Variants in CD244 observed in about 807,000 individuals in gnomAD.
CD244 encodes natural killer cell receptor 2B4.
In CD244, 20 loss-of-function variants were observed where a neutral mutation model predicts 45.5. The ratio of observed to expected loss-of-function variants is 0.44; its 90% CI spans 0.31 to 0.64. CD244 has a LOEUF of 0.64. Ranked by LOEUF, CD244 falls within the 30% of genes least tolerant of loss-of-function variation. The pLI, the probability that CD244 is intolerant of heterozygous loss-of-function variation, is 0.08. For synonymous variants in CD244, 185 were observed against 160.5 expected, an observed-to-expected ratio of 1.15 and a Z score of -1.15; for missense variants, 407 against 426.9, an observed-to-expected ratio of 0.95 and a Z score of 0.41.
Position 160,841,180 on chromosome 1 carries a change from G to A in CD244, c.655+30C>T, listed in dbSNP as rs553785088. On this transcript the variant is annotated intron_variant, in intron 3 of 8. Coordinates refer to ENST00000368034, the MANE Select transcript of CD244 (RefSeq NM_016382.4). ...TGGTTGCGGGGTCCAAACCTTCAGCGCTTGTTATAGCCCAGTGTGTTCCAC... is the reference window on the plus strand; with the variant it reads ...TGGTTGCGGGGTCCAAACCTTCAGCACTTGTTATAGCCCAGTGTGTTCCAC... 477 of 1,609,742 alleles carry A rather than the reference G, an allele frequency of 3.0e-4. 5 individuals carry two copies. In the South Asian group the frequency reaches 3.9e-3, roughly 13 times the overall value.
At chr1:160,838,842 G>T in intron 4 of CD244, 97 bp downstream of exon 4, 1 of 788,512 alleles carries the variant, frequency 1.3e-6, no homozygotes, top group Non-Finnish European at 2.0e-6. Flanking sequence ...AGGAAAAGGA[G>T]ATGCTGTGCT....
chr1:160,831,158 T>G lies in CD244; in HGVS notation c.*189A>C, dbSNP rs922114043. 1.9e-6 allele frequency: 1 copy of G among 537,880 alleles called. No homozygotes were observed. The highest frequency in any genetic ancestry group is 3.3e-5 in the Admixed American group (1 of 30,382). 33.3% of individuals were successfully genotyped at this position (537,880 alleles called of 1,614,324 possible). A position where few individuals can be genotyped will look rare whatever the true frequency, so the allele number is the denominator to read the frequency against. ...TGTCTGATCTGTAAATTGGAAGATATTATTTAACAGCCTTGCTCTTATCAT... is the reference window on the plus strand; with the variant it reads ...TGTCTGATCTGTAAATTGGAAGATAGTATTTAACAGCCTTGCTCTTATCAT... On this transcript the variant is annotated 3_prime_UTR_variant, in exon 9 of 9. Coordinates refer to ENST00000368034, the MANE Select transcript of CD244 (RefSeq NM_016382.4).
intron 6 of CD244, among the ~76,000 whole-genome samples, 166 bp downstream of exon 6, chr1:160,836,029 A>C (rs544904781): frequency 2.0e-4 from 30 of 152,264 alleles, no homozygotes. Flanking sequence ...CTCTAGTATC[A>C]CACGGATCTT....
chr1:160,859,982 G>A (rs182265966), intron 1 of CD244, among the ~76,000 whole-genome samples: 38 of 152,042 alleles, frequency 2.5e-4, no homozygotes, highest in African/African-American at 8.7e-4. Context: ...GGAGGTGGGT[G>A]GATCACTTGA....
Position 160,839,003 on chromosome 1 carries a change from T to G in CD244, c.702A>C (p.Ala234=). 1.2e-6 allele frequency: 2 copies of G among 1,614,096 alleles called. No individual in the cohort carries two copies. Among genetic ancestry groups the G allele is most frequent in the Non-Finnish European group, 8.5e-7 (1 of 1,179,992 alleles). The part of the protein sequence containing the change: ...PFLVIIVILS[A]LFLGTLACFC... ...AGCAGGCAAGGGTGCCAAGGAACAG[T>G]GCGCTTAGAATCACGATGATCACCA... Residue 234 remains alanine (A), a synonymous_variant, in exon 4 of 9, where the codon GCA becomes GCC. Coordinates refer to ENST00000368034, the MANE Select transcript of CD244 (RefSeq NM_016382.4).
chr1:160,844,428 T>TGGGG (rs1318623560), intron 1 of CD244, among the ~76,000 whole-genome samples: 6 of 152,264 alleles, frequency 3.9e-5, no homozygotes, highest in African/African-American at 1.4e-4. Flanking sequence ...AATGTGACTT[T>TGGGG]ACAGCTCCTT....
chr1:160,850,813 G>A (rs1669893981), intron 1 of CD244, among the ~76,000 whole-genome samples: 1 of 152,182 alleles, frequency 6.6e-6, no homozygotes, highest in Non-Finnish European at 1.5e-5. Flanking sequence ...CTCTAATTCA[G>A]TTCAATTCTG....
intron 1 of CD244, among the ~76,000 whole-genome samples, chr1:160,861,247 C>T (rs1187847604): frequency 6.6e-6 from 1 of 152,222 alleles, no homozygotes; most frequent in East Asian, 1.9e-4. Context: ...ACTCCTCCCT[C>T]CCTGCTCCCT....
intron 1 of CD244, among the ~76,000 whole-genome samples, chr1:160,847,464 G>A (rs1047076217): frequency 6.6e-6 from 1 of 152,120 alleles, no homozygotes; most frequent in African/African-American, 2.4e-5. Context: ...TAAAACAAGT[G>A]TCAACAAAGT....
At chr1:160,858,947 G>A (rs1450032496) in intron 1 of CD244, among the ~76,000 whole-genome samples, 5 of 152,172 alleles carry the variant, frequency 3.3e-5, no homozygotes, top group African/African-American at 1.2e-4. Context: ...ACAGACAAAA[G>A]CCCTGGCCTC....
rs539479467 is a variant in CD244, at chr1:160,840,495, T to TCA, written c.655+714_655+715insTG. 6.3e-4 allele frequency among the ~76,000 whole-genome samples: 95 copies of TCA among 151,632 alleles called. 4 individuals are homozygous for TCA. The South Asian group carries it at 0.019, about 30-fold the overall frequency. On this transcript the variant is annotated intron_variant, in intron 3 of 8. Transcript: ENST00000368034. ...CCAGGCTGGTCTCAAACTCCTGACC[T>TCA]TGTGATCCACCCACCTCAGCCTCCC...
At chr1:160,831,897 A>G (rs1035028916) in intron 8 of CD244, among the ~76,000 whole-genome samples, 1 of 152,190 alleles carries the variant, frequency 6.6e-6, no homozygotes, top group African/African-American at 2.4e-5. Flanking sequence ...CTGAGTATAA[A>G]TGGAAAGTAT....
intron 5 of CD244, among the ~76,000 whole-genome samples, chr1:160,837,139 C>G (rs1339872213): frequency 6.6e-6 from 1 of 152,146 alleles, no homozygotes; most frequent in African/African-American, 2.4e-5. Flanking sequence ...CAAATTGGAG[C>G]CCTGAGACAA....
In CD244 at chr1:160,839,123, G is replaced by A. The variant is rs1571094058; in HGVS notation, c.656-74C>T. 5.3e-6 allele frequency: 6 copies of A among 1,122,150 alleles called. No homozygotes were observed. The East Asian group carries it at 1.2e-4, about 23-fold the overall frequency. 69.5% of individuals were successfully genotyped at this position (1,122,150 alleles called of 1,614,324 possible). A position where few individuals can be genotyped will look rare whatever the true frequency, so the allele number is the denominator to read the frequency against. ...CTTCCTTCCCACCTGCCTGCTGCAG[G>A]GGCTGCCTCAAAACCCACTTTTCTC... On this transcript the variant is annotated intron_variant, in intron 3 of 8. Coordinates refer to ENST00000368034, the MANE Select transcript of CD244 (RefSeq NM_016382.4).
rs753458715 is a variant in CD244 at position 160,838,450 on chromosome 1, C to T, written c.834+1G>A. 4 of 1,610,516 alleles carry T rather than the reference C, an allele frequency of 2.5e-6. No individual in the cohort carries two copies. Among genetic ancestry groups the T allele is most frequent in the South Asian group, 2.2e-5 (2 of 90,996 alleles). ...AGACCCCAGCCTCCGGGATGACATA[C>T]GTGATTTCTCCTGGTTTTCAGATCC... On this transcript the variant is annotated splice_donor_variant, in intron 5 of 8. Transcript: ENST00000368034. LOFTEE classifies it high-confidence loss of function.
At chr1:160,852,146 C>G (rs1354773224) in intron 1 of CD244, among the ~76,000 whole-genome samples, 1 of 152,126 alleles carries the variant, frequency 6.6e-6, no homozygotes, top group Non-Finnish European at 1.5e-5. Context: ...TGGGCAGGCA[C>G]TTTAGGAAAG....
rs1669073203 is a variant in CD244 at position 160,830,460 on chromosome 1, C to G, written c.*887G>C. The G allele has an allele frequency of 6.6e-6, 1 of 152,420 alleles. No individual in the cohort carries two copies. Among genetic ancestry groups the G allele is most frequent in the South Asian group, 2.1e-4 (1 of 4,836 alleles). 9.4% of individuals were successfully genotyped at this position (152,420 alleles called of 1,614,324 possible). On this transcript the variant is annotated 3_prime_UTR_variant, in exon 9 of 9. Transcript: ENST00000368034. Reference sequence around the variant, plus strand: ...CAACTGCCTCATTCTCAGCCCTCAGCTGCCTGAGCCCTCCCTTCAATGTGC... The same window carrying G: ...CAACTGCCTCATTCTCAGCCCTCAGGTGCCTGAGCCCTCCCTTCAATGTGC...
intron 1 of CD244, among the ~76,000 whole-genome samples, chr1:160,842,122 T>G (rs1402541468): frequency 6.6e-6 from 1 of 152,186 alleles, no homozygotes; most frequent in Non-Finnish European, 1.5e-5. Flanking sequence ...GCTAAAATCT[T>G]GAGTACTTAC....
intron 7 of CD244, among the ~76,000 whole-genome samples, chr1:160,832,990 T>G (rs1669190718): frequency 6.7e-6 from 1 of 150,374 alleles, no homozygotes; most frequent in Admixed American, 6.6e-5. Context: ...TACACACATA[T>G]CCCTCAGGCA....
Sources: gnomAD v4.1 joint callset for allele counts (sites outside exome capture counted in the v4.1 genomes callset) on GRCh38, gnomAD v4.1.1 for gene constraint, MANE v1.5 for transcripts, NCBI Gene and HGNC (gene_info 2026-07-23, HGNC 2026-07-21) for gene names.